The following KCNQ1 variants were observed in gnomAD, a reference collection of about 807,000 sequenced individuals.
The protein encoded by KCNQ1 is potassium voltage-gated channel subfamily KQT member 1.
KCNQ1 carries 49 observed loss-of-function variants against 72.4 expected under a neutral mutation model. That is an observed-to-expected ratio of 0.68 (90% CI 0.54 to 0.86). The LOEUF (loss-of-function observed/expected upper bound fraction) is 0.86, where lower values mean the gene tolerates loss of function less well. Among genes scored for constraint, KCNQ1 ranks in the 40% least tolerant of loss-of-function variants. The probability of loss-of-function intolerance (pLI) is 0.00; values close to 1 mark genes in which losing one functional copy is unlikely to be tolerated. For missense variants in KCNQ1, 790 were observed against 945.1 expected (o/e 0.84, Z 2.15); for synonymous variants, 450 against 412.6 (o/e 1.09, Z -1.10).
At chr11:2,788,552 C>G (rs1393556825) in intron 15 of KCNQ1, among the ~76,000 whole-genome samples, 1 of 151,594 alleles carries the variant, frequency 6.6e-6, no homozygotes, top group Non-Finnish European at 1.5e-5. Flanking sequence ...TGCACCACCC[C>G]CCGCCCCCCA....
chr11:2,827,632 A>G lies in KCNQ1; in HGVS notation c.1795-20135A>G, dbSNP rs1847865292. On this transcript the variant is annotated intron_variant, in intron 15 of 15. Coordinates refer to ENST00000155840, the MANE Select transcript of KCNQ1 (RefSeq NM_000218.3). This position sits in a 1 kb window ranked among gnomAD's most constrained non-coding sequence, Gnocchi z 6.7. ...CAGGGTTCTGTTGATTAAAAAAAAA[A>G]AGTGGGGTCGGGGGGGCGGGGGAGA... 8.4e-6 allele frequency among the ~76,000 whole-genome samples: 1 copy of G among 118,908 alleles called. No homozygotes were observed. 78.0% of individuals were successfully genotyped at this position (118,908 alleles called of 152,430 possible).
intron 1 of KCNQ1, among the ~76,000 whole-genome samples, chr11:2,527,274 G>A (rs1184871075): frequency 6.6e-6 from 1 of 152,172 alleles, no homozygotes; most frequent in East Asian, 1.9e-4. Flanking sequence ...GCTCCTCTGG[G>A]AAGCAGACGC....
intron 10 of KCNQ1, chr11:2,629,770 T>G (rs1849323071): frequency 2.5e-6 from 1 of 398,406 alleles, no homozygotes; most frequent in Non-Finnish European, 4.4e-6. Context: ...TGAATGCTGA[T>G]TTTGTATCCT....
rs563135379 is a variant in KCNQ1, at chr11:2,691,185, G to C, written c.1514+29104G>C. ...CACAGCCTTGGGAGGGGTGCTCAGA[G>C]CTCAGCTGTGTTTAAAAATTAGCAA... On this transcript the variant is annotated intron_variant, in intron 11 of 15. Transcript: ENST00000155840. This position sits in a 1 kb window ranked among gnomAD's most constrained non-coding sequence, Gnocchi z 6.4. 2 of 398,674 alleles carry C rather than the reference G, an allele frequency of 5.0e-6. No homozygotes were observed. The highest frequency in any genetic ancestry group is 4.4e-5 in the Admixed American group (1 of 22,738). The allele number at this position is 398,674 out of a possible 1,614,324, so 24.7% of individuals were successfully genotyped here.
In KCNQ1 at chr11:2,558,703, A is replaced by G. The variant is rs565361788; in HGVS notation, c.478-11925A>G. On this transcript the variant is annotated intron_variant, in intron 2 of 15. Transcript: ENST00000155840. ...GGAGGCACCTCATTAAACCGCCTGAAACGTGTGTAACTCTAGTCGGCCCCC... is the reference window on the plus strand; with the variant it reads ...GGAGGCACCTCATTAAACCGCCTGAGACGTGTGTAACTCTAGTCGGCCCCC... Among the ~76,000 whole-genome samples, 3 of 152,126 alleles carry G rather than the reference A, an allele frequency of 2.0e-5. No homozygotes were observed. In the East Asian group the frequency reaches 5.8e-4, roughly 29 times the overall value.
chr11:2,774,078 T>C (rs163151), intron 12 of KCNQ1, among the ~76,000 whole-genome samples: 151,611 of 152,298 alleles, frequency 1, 75,468 homozygotes, highest in Middle Eastern at 1. Flanking sequence ...GAGAACTCAG[T>C]ATCTCCATCT....
At chr11:2,500,704 A>G (rs1024127999) in intron 1 of KCNQ1, among the ~76,000 whole-genome samples, 9 of 152,228 alleles carry the variant, frequency 5.9e-5, no homozygotes, top group Non-Finnish European at 1.0e-4. Flanking sequence ...ATAAAAAAAG[A>G]TGAGTTTATG....
chr11:2,714,237 G>T (rs567318107), intron 11 of KCNQ1, among the ~76,000 whole-genome samples: 33 of 152,240 alleles, frequency 2.2e-4, no homozygotes, highest in Non-Finnish European at 4.9e-4. Flanking sequence ...CATCTCATGG[G>T]GGGGTTGGGC....
chr11:2,505,586 T>C (rs1258340387), intron 1 of KCNQ1, among the ~76,000 whole-genome samples: 1 of 152,238 alleles, frequency 6.6e-6, no homozygotes, highest in Admixed American at 6.5e-5. Context: ...TCACCATCAT[T>C]GTAGAACTAT....
chr11:2,692,701 T>G, intron 11 of KCNQ1: 1 of 398,692 alleles, frequency 2.5e-6, no homozygotes, highest in East Asian at 3.6e-5. Context: ...CTTTGTCCAC[T>G]AACCCTGGGA....
chr11:2,567,882 CTTATCTATTTCA>C lies in KCNQ1; in HGVS notation c.478-2745_478-2734del, dbSNP rs1400093799. Among the ~76,000 whole-genome samples the C allele has an allele frequency of 6.6e-6, 1 of 152,232 alleles. No individual in the cohort carries two copies. The highest frequency in any genetic ancestry group is 2.4e-5 in the African/African-American group (1 of 41,474). ...TATCCACAGCAATCCTTAATAGTTA[CTTATCTATTTCA>C]GGGTATAACATAAGACACACCTATC... is the stretch of plus-strand genomic sequence containing the variant. On this transcript the variant is annotated intron_variant, in intron 2 of 15. Coordinates refer to ENST00000155840, the MANE Select transcript of KCNQ1 (RefSeq NM_000218.3). The surrounding 1 kb of genome is among the most constrained non-coding windows in gnomAD (Gnocchi z 6.6).
At chr11:2,467,117 G>C (rs552903255) in intron 1 of KCNQ1, among the ~76,000 whole-genome samples, 2 of 152,162 alleles carry the variant, frequency 1.3e-5, no homozygotes, top group Non-Finnish European at 2.9e-5. Context: ...TGGCTGGAGA[G>C]CCGGGCAGGG....
rs757054288 is a variant in KCNQ1 at position 2,745,260 on chromosome 11, C to T, written c.1515-23584C>T. Among the ~76,000 whole-genome samples the T allele has an allele frequency of 1.3e-5, 2 of 152,104 alleles. No individual in the cohort carries two copies. The highest frequency in any genetic ancestry group is 2.9e-5 in the Non-Finnish European group (2 of 68,020). On this transcript the variant is annotated intron_variant, in intron 11 of 15. Transcript: ENST00000155840. The surrounding 1 kb of genome is among the most constrained non-coding windows in gnomAD (Gnocchi z 6.2). Reference sequence around the variant, plus strand: ...AAAAACTGGAGTCTCTCTCATGTTGCGTTTTCTCCTCCAAGAACAAGGAGT... The same window carrying T: ...AAAAACTGGAGTCTCTCTCATGTTGTGTTTTCTCCTCCAAGAACAAGGAGT...
At chr11:2,765,306 G>T (rs568265852) in intron 11 of KCNQ1, among the ~76,000 whole-genome samples, 1 of 152,260 alleles carries the variant, frequency 6.6e-6, no homozygotes, top group South Asian at 2.1e-4. Context: ...AGATTCCCTA[G>T]TTATCTCTTT....
At chr11:2,788,239 C>G (rs958904639) in intron 15 of KCNQ1, among the ~76,000 whole-genome samples, 1 of 152,060 alleles carries the variant, frequency 6.6e-6, no homozygotes, top group Admixed American at 6.5e-5. Flanking sequence ...TCCCCTGCCT[C>G]GAGTCCCCAG....
chr11:2,522,086 C>T (rs187271868), intron 1 of KCNQ1, among the ~76,000 whole-genome samples: 128 of 152,358 alleles, frequency 8.4e-4, no homozygotes, highest in African/African-American at 2.8e-3. Flanking sequence ...GATAATTCAC[C>T]GGGTGCCTTC....
chr11:2,825,599 T>C (rs1354397227), intron 15 of KCNQ1, among the ~76,000 whole-genome samples: 1 of 152,236 alleles, frequency 6.6e-6, no homozygotes, highest in Middle Eastern at 3.2e-3. Flanking sequence ...GAATGTCTGC[T>C]ATGTACTAGA....
rs528248843 is a variant in KCNQ1, at chr11:2,705,009, A to G, written c.1514+42928A>G. Among the ~76,000 whole-genome samples the G allele has an allele frequency of 1.4e-4, 21 of 152,206 alleles. No individual in the cohort carries two copies. The South Asian group carries it at 4.3e-3, about 32-fold the overall frequency. ...TGTTTGTGGTGTCCATTGCCGTCTT[A>G]GCTACCCAAGGCCCAGGGAGAGGCA... On this transcript the variant is annotated intron_variant, in intron 11 of 15. Coordinates refer to ENST00000155840, the MANE Select transcript of KCNQ1 (RefSeq NM_000218.3).
rs546932243 is a variant in KCNQ1 at position 2,464,795 on chromosome 11, C to T, written c.386+19311C>T. Among the ~76,000 whole-genome samples the T allele has an allele frequency of 5.9e-3, 710 of 120,394 alleles. 3 individuals carry two copies. The highest frequency in any genetic ancestry group is 8.5e-3 in the Non-Finnish European group (552 of 65,184). The allele number at this position is 120,394 out of a possible 152,430, so 79.0% of individuals were successfully genotyped here. A position where few individuals can be genotyped will look rare whatever the true frequency, so the allele number is the denominator to read the frequency against. ...CCTCCTAGGTGGGCTGGGGCTGAGGCGGATCCCACTGTGGGGAGCTGCCCA... is the reference window on the plus strand; with the variant it reads ...CCTCCTAGGTGGGCTGGGGCTGAGGTGGATCCCACTGTGGGGAGCTGCCCA... On this transcript the variant is annotated intron_variant, in intron 1 of 15. Transcript: ENST00000155840. The surrounding 1 kb of genome is among the most constrained non-coding windows in gnomAD (Gnocchi z 5.0).
Sources: gnomAD v4.1 joint callset for allele counts (sites outside exome capture counted in the v4.1 genomes callset) on GRCh38, gnomAD v4.1.1 for gene constraint, Gnocchi (gnomAD v3.1) non-coding constraint, MANE v1.5 for transcripts, NCBI Gene and HGNC (gene_info 2026-07-23, HGNC 2026-07-21) for gene names.